The following SERPINI1 variants were observed in gnomAD, a reference collection of about 807,000 sequenced individuals.
SERPINI1 encodes the protein serpin family I member 1.
SERPINI1 carries 19 observed loss-of-function variants against 41.1 expected under a neutral mutation model. The observed-to-expected ratio is 0.46, with a 90% CI of 0.32 to 0.68. The LOEUF is 0.68. SERPINI1 is among the 30% of genes least tolerant of loss of function. SERPINI1 has a pLI of 0.03. For missense variants in SERPINI1, 460 were observed against 479.2 expected, an observed-to-expected ratio of 0.96 and a Z score of 0.37; for synonymous variants, 138 against 156.6, an observed-to-expected ratio of 0.88 and a Z score of 0.89.
rs1727659652 is a variant in SERPINI1, at chr3:167,794,832, G to T, written c.881+8G>T. 1 of 1,610,418 alleles carries T rather than the reference G, an allele frequency of 6.2e-7. No individual in the cohort carries two copies. Among genetic ancestry groups the T allele is most frequent in the Non-Finnish European group, 8.5e-7 (1 of 1,178,088 alleles). On this transcript the variant is annotated splice_region_variant and intron_variant, in intron 5 of 8. Coordinates refer to ENST00000446050, the MANE Select transcript of SERPINI1 (RefSeq NM_001122752.2). ...AGAAGTATACCTGCCCAGGTATGAG[G>T]TTCCTGTGTCACCCGTCCCACAGCA...
intron 1 of SERPINI1, among the ~76,000 whole-genome samples, chr3:167,782,527 A>T (rs1256728337): frequency 6.6e-6 from 1 of 152,172 alleles, no homozygotes; most frequent in Non-Finnish European, 1.5e-5. Context: ...TTTATTTGGC[A>T]CCTACTATGT....
intron 1 of SERPINI1, among the ~76,000 whole-genome samples, chr3:167,760,212 T>G (rs1054651592): frequency 6.6e-6 from 1 of 152,154 alleles, no homozygotes; most frequent in African/African-American, 2.4e-5. Flanking sequence ...GGAATGGTGC[T>G]TAAAATTCTG....
chr3:167,797,732 T>TA (rs1411888915), intron 5 of SERPINI1, among the ~76,000 whole-genome samples: 2 of 88,474 alleles, frequency 2.3e-5, no homozygotes, highest in African/African-American at 8.0e-5. Context: ...AATGAATACC[T>TA]ACCAAGCGTT....
At chr3:167,765,570 A>G (rs906716159) in intron 1 of SERPINI1, among the ~76,000 whole-genome samples, 1 of 152,224 alleles carries the variant, frequency 6.6e-6, no homozygotes, top group Non-Finnish European at 1.5e-5. Flanking sequence ...GAAGTCTCTG[A>G]CATGTCCTGG....
At chr3:167,743,884 G>T (rs772005095) in intron 1 of SERPINI1, among the ~76,000 whole-genome samples, 2 of 152,078 alleles carry the variant, frequency 1.3e-5, no homozygotes, top group African/African-American at 4.8e-5. Flanking sequence ...CAGCTGGTAT[G>T]TTGGTTAATT....
rs1290351207 is a variant in SERPINI1 at position 167,797,463 on chromosome 3, T to A, written c.881+2639T>A. On this transcript the variant is annotated intron_variant, in intron 5 of 8. Coordinates refer to ENST00000446050, the MANE Select transcript of SERPINI1 (RefSeq NM_001122752.2). ...GTATTGCCTAGGTTTTCTTCTAGGGTTTTTATAGTTTTTGGTTTTACATTT... is the reference window on the plus strand; with the variant it reads ...GTATTGCCTAGGTTTTCTTCTAGGGATTTTATAGTTTTTGGTTTTACATTT... Among the ~76,000 whole-genome samples the A allele has an allele frequency of 3.9e-5, 6 of 152,230 alleles. No individual in the cohort carries two copies. The East Asian group carries it at 7.7e-4, about 20-fold the overall frequency.
At chr3:167,790,213 A>T (rs1017639757) in intron 2 of SERPINI1, among the ~76,000 whole-genome samples, 159 bp from the exon 3 acceptor site, 1 of 152,214 alleles carries the variant, frequency 6.6e-6, no homozygotes, top group Admixed American at 6.5e-5. Flanking sequence ...TAGAAATAGT[A>T]CAAGTATTGG....
chr3:167,805,199 G>A (rs145976122), intron 5 of SERPINI1, among the ~76,000 whole-genome samples: 4,117 of 151,910 alleles, frequency 0.027, 166 homozygotes, highest in African/African-American at 0.094. Flanking sequence ...CCACAGCCTC[G>A]CTAGCATCTG....
At chr3:167,786,649 A>G (rs1727324372) in intron 1 of SERPINI1, among the ~76,000 whole-genome samples, 1 of 152,134 alleles carries the variant, frequency 6.6e-6, no homozygotes, top group African/African-American at 2.4e-5. Context: ...GATGCCTAGA[A>G]CATTACTGTA....
intron 1 of SERPINI1, among the ~76,000 whole-genome samples, chr3:167,756,220 C>T (rs536936937): frequency 1.6e-4 from 25 of 152,266 alleles, no homozygotes; most frequent in South Asian, 4.1e-4. Context: ...TTTACTGAAG[C>T]TATGTAAACC....
intron 1 of SERPINI1, among the ~76,000 whole-genome samples, chr3:167,780,887 G>A (rs1206969078): frequency 2.6e-5 from 4 of 152,108 alleles, no homozygotes; most frequent in Admixed American, 2.0e-4. Context: ...TAAACAAATA[G>A]CCTAAAGTAC....
At chr3:167,822,548 T>C (rs1712371337) in intron 6 of SERPINI1, among the ~76,000 whole-genome samples, 1 of 152,170 alleles carries the variant, frequency 6.6e-6, no homozygotes, top group African/African-American at 2.4e-5. Flanking sequence ...GGTATTTACA[T>C]TATCATAGTA....
At chr3:167,793,866 G>A (rs973641580) in intron 4 of SERPINI1, among the ~76,000 whole-genome samples, 4 of 151,374 alleles carry the variant, frequency 2.6e-5, no homozygotes, top group African/African-American at 9.7e-5. Flanking sequence ...GTGTGTGTGT[G>A]TGTGTTAATT....
chr3:167,820,113 A>G (rs1474479141), intron 6 of SERPINI1, among the ~76,000 whole-genome samples: 2 of 152,228 alleles, frequency 1.3e-5, no homozygotes. Flanking sequence ...TAAAAGTGTC[A>G]GCAAGTTGGT....
At chr3:167,772,774 G>A (rs568361204) in intron 1 of SERPINI1, among the ~76,000 whole-genome samples, 4 of 142,270 alleles carry the variant, frequency 2.8e-5, no homozygotes, top group African/African-American at 1.0e-4. Context: ...GATGAGGCAG[G>A]AAAATTGCTT....
chr3:167,769,250 T>G (rs1306303040), intron 1 of SERPINI1, among the ~76,000 whole-genome samples: 1 of 152,086 alleles, frequency 6.6e-6, no homozygotes, highest in Non-Finnish European at 1.5e-5. Flanking sequence ...CCTTGGCCTC[T>G]CAAAGTGCTG....
chr3:167,801,699 TAGTA>T (rs1311898503), intron 5 of SERPINI1, among the ~76,000 whole-genome samples: 1 of 152,112 alleles, frequency 6.6e-6, no homozygotes, highest in Non-Finnish European at 1.5e-5. Context: ...GCCTGAAACA[TAGTA>T]AGCACTCAAT....
intron 6 of SERPINI1, among the ~76,000 whole-genome samples, chr3:167,815,104 G>C (rs550451528): frequency 5.0e-4 from 76 of 152,252 alleles, no homozygotes; most frequent in African/African-American, 1.7e-3. Context: ...AGTGTGCAAG[G>C]TGTTGTGCAT....
At chr3:167,747,532 TA>T in intron 1 of SERPINI1, among the ~76,000 whole-genome samples, 1 of 152,124 alleles carries the variant, frequency 6.6e-6, no homozygotes, top group Non-Finnish European at 1.5e-5. Flanking sequence ...TGGTTCCAGC[TA>T]CTCGAGAGGC....
Sources: gnomAD v4.1 joint callset for allele counts (sites outside exome capture counted in the v4.1 genomes callset) on GRCh38, gnomAD v4.1.1 for gene constraint, MANE v1.5 for transcripts, NCBI Gene and HGNC (gene_info 2026-07-23, HGNC 2026-07-21) for gene names.